DPYD: variants seen among roughly 807,000 people sequenced by gnomAD.
The protein encoded by DPYD is dihydropyrimidine dehydrogenase [NADP(+)].
A neutral mutation model predicts 116.2 loss-of-function variants in DPYD; 109 were observed. The observed-to-expected ratio is 0.94, with a 90% CI of 0.80 to 1.10. DPYD has a LOEUF of 1.10. Ranked by LOEUF, DPYD falls within the 50% of genes least tolerant of loss-of-function variation. The pLI, the probability that DPYD is intolerant of heterozygous loss-of-function variation, is 0.00. For synonymous variants in DPYD, 440 were observed against 432.0 expected, an observed-to-expected ratio of 1.02 and a Z score of -0.23; for missense variants, 1,302 against 1,254.5, an observed-to-expected ratio of 1.04 and a Z score of -0.57.
chr1:97,478,756 T>C (rs546388535), intron 13 of DPYD, among the ~76,000 whole-genome samples: 1 of 152,368 alleles, frequency 6.6e-6, no homozygotes, highest in African/African-American at 2.4e-5. Flanking sequence ...TGGCATCTTC[T>C]TCCAATATAA....
chr1:97,105,865 C>T (rs1326088377), intron 20 of DPYD, among the ~76,000 whole-genome samples: 1 of 151,964 alleles, frequency 6.6e-6, no homozygotes, highest in East Asian at 1.9e-4. Context: ...GAAAGCAGTG[C>T]CTAGTTGTAG....
chr1:97,324,032 G>T (rs1668578884), intron 16 of DPYD, among the ~76,000 whole-genome samples: 1 of 151,926 alleles, frequency 6.6e-6, no homozygotes, highest in East Asian at 1.9e-4. Flanking sequence ...TTGTATTTGT[G>T]GTAGTGTGTT....
chr1:97,305,404 A>T, intron 17 of DPYD, 26 bp from the exon 18 acceptor site: 2 of 1,611,784 alleles, frequency 1.2e-6, no homozygotes, highest in South Asian at 2.2e-5. Flanking sequence ...CAACATTTTC[A>T]TGCAGCTCTT....
intron 5 of DPYD, among the ~76,000 whole-genome samples, chr1:97,718,939 C>T (rs1662769124): frequency 6.6e-6 from 1 of 151,490 alleles, no homozygotes; most frequent in African/African-American, 2.4e-5. Context: ...AAAATCTATA[C>T]TAAACTATTA....
chr1:97,080,947 G>A (rs1463750344), intron 22 of DPYD, among the ~76,000 whole-genome samples: 1 of 152,080 alleles, frequency 6.6e-6, no homozygotes, highest in African/African-American at 2.4e-5. Flanking sequence ...ATATTAGAGA[G>A]CTGATGCTCT....
intron 20 of DPYD, among the ~76,000 whole-genome samples, chr1:97,118,876 T>C (rs1051545743): frequency 1.2e-4 from 18 of 152,176 alleles, no homozygotes; most frequent in Non-Finnish European, 2.1e-4. Flanking sequence ...GTTTAGCGCA[T>C]ATCATCTGAG....
rs142230523 is a variant in DPYD at position 97,155,062 on chromosome 1, C to T, written c.2622+38007G>A. Reference sequence around the variant, plus strand: ...AGGCTGTCTGAACTTTTCTCAAGACCCGGTGGTGGGGTGAGGAGTCAGTTA... The same window carrying T: ...AGGCTGTCTGAACTTTTCTCAAGACTCGGTGGTGGGGTGAGGAGTCAGTTA... On this transcript the variant is annotated intron_variant, in intron 20 of 22. Transcript: ENST00000370192. Among the ~76,000 whole-genome samples the T allele has an allele frequency of 3.8e-3, 575 of 152,064 alleles. 7 individuals are homozygous for T. The highest frequency in any genetic ancestry group is 0.013 in the African/African-American group (552 of 41,464).
chr1:97,563,399 T>C (rs960565567), intron 11 of DPYD, among the ~76,000 whole-genome samples: 10 of 152,190 alleles, frequency 6.6e-5, no homozygotes, highest in African/African-American at 1.7e-4. Context: ...TTACACTCAC[T>C]GTGTGTTCAA....
At chr1:97,159,172 A>G (rs1655706908) in intron 20 of DPYD, among the ~76,000 whole-genome samples, 1 of 152,140 alleles carries the variant, frequency 6.6e-6, no homozygotes, top group East Asian at 1.9e-4. Context: ...TGTGCTCAGA[A>G]TATAAAGTAA....
intron 20 of DPYD, among the ~76,000 whole-genome samples, chr1:97,102,963 T>C (rs1650855502): frequency 6.6e-6 from 1 of 152,006 alleles, no homozygotes; most frequent in Non-Finnish European, 1.5e-5. Context: ...TTTAAAAACC[T>C]CAAAAAGCTA....
chr1:97,707,851 T>C (rs1316257724), intron 5 of DPYD, among the ~76,000 whole-genome samples: 1 of 152,054 alleles, frequency 6.6e-6, no homozygotes, highest in African/African-American at 2.4e-5. Flanking sequence ...TTAAATGGGT[T>C]GTTTTCATAT....
At chr1:97,079,210 A>G (rs1648987913) in intron 22 of DPYD, 64 bp from the exon 23 acceptor site, 3 of 1,586,694 alleles carry the variant, frequency 1.9e-6, no homozygotes, top group African/African-American at 2.7e-5. Flanking sequence ...TCCCCATTTT[A>G]GCGTTAACAT....
Position 97,674,321 on chromosome 1 carries a change from T to C in DPYD, c.850+4774A>G, listed in dbSNP as rs958115819. Among the ~76,000 whole-genome samples, 15 of 152,298 alleles carry C rather than the reference T, an allele frequency of 9.8e-5. No homozygotes were observed. The East Asian group carries it at 2.9e-3, about 29-fold the overall frequency. ...TTCGTAGTGTCTACTGTGACTATTATAATTGATTTCACTGCATTTTCCCCT... is the reference window on the plus strand; with the variant it reads ...TTCGTAGTGTCTACTGTGACTATTACAATTGATTTCACTGCATTTTCCCCT... On this transcript the variant is annotated intron_variant, in intron 8 of 22. Coordinates refer to ENST00000370192, the MANE Select transcript of DPYD (RefSeq NM_000110.4).
chr1:97,244,097 AG>A (rs1319507330), intron 18 of DPYD, among the ~76,000 whole-genome samples: 2 of 151,976 alleles, frequency 1.3e-5, no homozygotes, highest in Non-Finnish European at 2.9e-5. Context: ...GGCATTTACT[AG>A]GCATAATTAG....
chr1:97,476,370 T>C (rs1318543297), intron 13 of DPYD, among the ~76,000 whole-genome samples: 2 of 152,138 alleles, frequency 1.3e-5, no homozygotes, highest in African/African-American at 4.8e-5. Context: ...ACCCCTTTAG[T>C]AGAAAATGAT....
intron 3 of DPYD, among the ~76,000 whole-genome samples, chr1:97,791,712 C>A (rs550593817): frequency 1.3e-5 from 2 of 152,216 alleles, no homozygotes; most frequent in East Asian, 3.9e-4. Flanking sequence ...CTAATTTATC[C>A]TATTCAGTTT....
chr1:97,090,128 A>G (rs918412310), intron 21 of DPYD, among the ~76,000 whole-genome samples: 3 of 152,140 alleles, frequency 2.0e-5, no homozygotes, highest in African/African-American at 4.8e-5. Flanking sequence ...TGATGTCACT[A>G]TCTGCTTGAT....
At chr1:97,681,737 G>A (rs962805873) in intron 7 of DPYD, among the ~76,000 whole-genome samples, 6 of 151,720 alleles carry the variant, frequency 4.0e-5, no homozygotes, top group South Asian at 4.2e-4. Context: ...AAATAATTTC[G>A]CTGTTTGTTT....
In DPYD at chr1:97,082,621, T is replaced by A. The variant is rs1649240009; in HGVS notation, c.2767-151A>T. 5 of 933,230 alleles carry A rather than the reference T, an allele frequency of 5.4e-6. No homozygotes were observed. In the Middle Eastern group the frequency reaches 9.4e-4, roughly 175 times the overall value. 57.8% of individuals were successfully genotyped at this position (933,230 alleles called of 1,614,324 possible). A position where few individuals can be genotyped will look rare whatever the true frequency, so the allele number is the denominator to read the frequency against. On this transcript the variant is annotated intron_variant, in intron 21 of 22. Coordinates refer to ENST00000370192, the MANE Select transcript of DPYD (RefSeq NM_000110.4). Reference sequence around the variant, plus strand: ...GTATAATTCTCATAGATAAGCTTTTTATGATAATTATAGCTTAGATGTTTG... The same window carrying A: ...GTATAATTCTCATAGATAAGCTTTTAATGATAATTATAGCTTAGATGTTTG...
Sources: gnomAD v4.1 joint callset for allele counts (sites outside exome capture counted in the v4.1 genomes callset) on GRCh38, gnomAD v4.1.1 for gene constraint, MANE v1.5 for transcripts, NCBI Gene and HGNC (gene_info 2026-07-23, HGNC 2026-07-21) for gene names.